MTCL2: variants seen among roughly 807,000 people sequenced by gnomAD.
MTCL2 encodes the protein microtubule cross-linking factor 2.
the MTCL2 span, among the ~76,000 whole-genome samples, chr20:36,845,441 C>T: frequency 3.3e-5 from 5 of 152,280 alleles, no homozygotes; most frequent in African/African-American, 1.2e-4. Flanking sequence ...GTTGCATTCA[C>T]GCCAGTTCCA....
the MTCL2 span, among the ~76,000 whole-genome samples, chr20:36,847,394 T>C: frequency 6.6e-6 from 1 of 152,210 alleles, no homozygotes. Flanking sequence ...TGGTCCGTTG[T>C]GCTGGTAATT....
At chr20:36,844,506 C>T in the MTCL2 span, among the ~76,000 whole-genome samples, 12 of 152,098 alleles carry the variant, frequency 7.9e-5, no homozygotes, top group Non-Finnish European at 1.2e-4. Flanking sequence ...TGGCTCATGC[C>T]TGTAATCCCA....
the MTCL2 span, among the ~76,000 whole-genome samples, chr20:36,788,200 CAAA>C: frequency 6.5e-5 from 5 of 76,672 alleles, no homozygotes; most frequent in Admixed American, 1.5e-4. Flanking sequence ...GACTCCATCT[CAAA>C]AAAAAAAAAA....
chr20:36,778,077 T>G, the MTCL2 span: 1 of 419,134 alleles, frequency 2.4e-6, no homozygotes, highest in Non-Finnish European at 4.2e-6. Flanking sequence ...CCACACAGCC[T>G]TTTGTAAAAC....
chr20:36,784,749 G>A, the MTCL2 span: 8 of 985,532 alleles, frequency 8.1e-6, no homozygotes, highest in Non-Finnish European at 9.6e-6. Context: ...GCGGGCAGCA[G>A]AGCTGGGGCA....
At chr20:36,814,908 A>T in the MTCL2 span, among the ~76,000 whole-genome samples, 704 of 152,170 alleles carry the variant, frequency 4.6e-3, 2 homozygotes, top group African/African-American at 0.016. Flanking sequence ...AAAATAAATA[A>T]AAATTAGCTG....
At chr20:36,834,582 G>T in the MTCL2 span, among the ~76,000 whole-genome samples, 2 of 151,898 alleles carry the variant, frequency 1.3e-5, no homozygotes, top group African/African-American at 4.8e-5. Context: ...GCCTACCCTC[G>T]CCCCCAGACT....
chr20:36,786,611 C>T, the MTCL2 span: 1 of 1,550,746 alleles, frequency 6.4e-7, no homozygotes, highest in East Asian at 2.4e-5. Context: ...AGGTGAGAGA[C>T]TGGGTACTAC....
At chr20:36,831,595 G>A in the MTCL2 span, among the ~76,000 whole-genome samples, 6 of 152,118 alleles carry the variant, frequency 3.9e-5, no homozygotes, top group Admixed American at 6.6e-5. Flanking sequence ...GAAAAACAAC[G>A]ACCAGAAAGG....
At chr20:36,840,047 G>A in the MTCL2 span, among the ~76,000 whole-genome samples, 2 of 152,026 alleles carry the variant, frequency 1.3e-5, no homozygotes, top group African/African-American at 4.8e-5. Context: ...TATTTTTAGT[G>A]GAGACGGGGT....
chr20:36,808,787 C>CT, the MTCL2 span: 1 of 1,509,138 alleles, frequency 6.6e-7, no homozygotes, highest in Non-Finnish European at 8.9e-7. Flanking sequence ...GCCCTGTCCT[C>CT]TCCCCCACCC....
the MTCL2 span, among the ~76,000 whole-genome samples, chr20:36,839,885 G>A: frequency 1.9e-3 from 285 of 152,138 alleles, no homozygotes; most frequent in African/African-American, 6.2e-3. The surrounding 1 kb of genome is among the most constrained non-coding windows in gnomAD (Gnocchi z 5.1). Context: ...TTTTTGAGAC[G>A]GAGTCTCACT....
chr20:36,800,142 A>T, the MTCL2 span, among the ~76,000 whole-genome samples: 1 of 152,214 alleles, frequency 6.6e-6, no homozygotes, highest in Admixed American at 6.5e-5. Context: ...GGCTGGAGCT[A>T]GAGGGCCGGC....
At chr20:36,786,328 T>C in the MTCL2 span, 8 of 1,334,572 alleles carry the variant, frequency 6.0e-6, no homozygotes, top group African/African-American at 2.9e-5. Flanking sequence ...TTTACCTTGA[T>C]GTGAAAGCTG....
At chr20:36,845,992 G>T in the MTCL2 span, among the ~76,000 whole-genome samples, 487 of 152,234 alleles carry the variant, frequency 3.2e-3, 1 homozygote, top group Middle Eastern at 0.014. Context: ...GACTCAGTAG[G>T]CCTCGTGGCT....
chr20:36,817,092 C>A, the MTCL2 span, among the ~76,000 whole-genome samples: 1 of 151,758 alleles, frequency 6.6e-6, no homozygotes, highest in Non-Finnish European at 1.5e-5. Flanking sequence ...CACGGTGAAA[C>A]CCTGTCTCTA....
At chr20:36,832,114 C>T in the MTCL2 span, among the ~76,000 whole-genome samples, 1 of 152,210 alleles carries the variant, frequency 6.6e-6, no homozygotes, top group Non-Finnish European at 1.5e-5. Flanking sequence ...ACAAATAAAT[C>T]CAAGGGTCCA....
the MTCL2 span, chr20:36,784,258 G>A: frequency 1.4e-4 from 140 of 985,914 alleles, no homozygotes; most frequent in East Asian, 3.6e-3. Context: ...ATCCAAGAGC[G>A]GAACTGGCCC....
the MTCL2 span, chr20:36,863,525 G>C: frequency 3.2e-6 from 1 of 311,036 alleles, no homozygotes; most frequent in Non-Finnish European, 5.0e-6. The surrounding 1 kb of genome is among the most constrained non-coding windows in gnomAD (Gnocchi z 6.2). Flanking sequence ...CGCTGCTCTG[G>C]GCTCGGAGAG....
Sources: gnomAD v4.1 joint callset for allele counts (sites outside exome capture counted in the v4.1 genomes callset) on GRCh38, gnomAD v4.1.1 for gene constraint, Gnocchi (gnomAD v3.1) non-coding constraint, MANE v1.5 for transcripts, NCBI Gene and HGNC (gene_info 2026-07-23, HGNC 2026-07-21) for gene names.